Variants in DPP6 observed in about 807,000 individuals in gnomAD.
DPP6 encodes the protein A-type potassium channel modulatory protein DPP6.
DPP6 carries 69 observed loss-of-function variants against 122.6 expected under a neutral mutation model. The ratio of observed to expected loss-of-function variants is 0.56; its 90% CI spans 0.46 to 0.69. The LOEUF (loss-of-function observed/expected upper bound fraction) is 0.69. DPP6 is among the 30% of genes least tolerant of loss of function. The pLI is 0.00. For synonymous variants in DPP6, 418 were observed against 433.1 expected, an observed-to-expected ratio of 0.97 and a Z score of 0.43; for missense variants, 928 against 1,116.9, an observed-to-expected ratio of 0.83 and a Z score of 2.41.
intron 6 of DPP6, 27 bp from the exon 7 acceptor site, chr7:154,669,333 G>GT (rs1234224085): frequency 6.4e-7 from 1 of 1,551,698 alleles, no homozygotes; most frequent in Non-Finnish European, 8.7e-7. Flanking sequence ...ATTTTGCTTT[G>GT]TTTTTGTTTG....
intron 1 of DPP6, among the ~76,000 whole-genome samples, chr7:154,284,296 G>A (rs999895994): frequency 3.9e-5 from 6 of 152,176 alleles, no homozygotes; most frequent in African/African-American, 1.4e-4. Flanking sequence ...AAGCAGATGA[G>A]TCATGCAAAT....
the DPP6 span, among the ~76,000 whole-genome samples, chr7:153,800,292 G>T: frequency 6.6e-6 from 1 of 152,108 alleles, no homozygotes; most frequent in Non-Finnish European, 1.5e-5. Flanking sequence ...GGAACTATAG[G>T]TTGTCATGTT....
At chr7:154,063,115 A>C (rs1301969912) in intron 1 of DPP6, among the ~76,000 whole-genome samples, 1 of 104,144 alleles carries the variant, frequency 9.6e-6, no homozygotes, top group Admixed American at 9.7e-5. Context: ...CCCCCATCGC[A>C]GGGGGGGAGG....
At chr7:154,635,172 A>T (rs1014945910) in intron 5 of DPP6, among the ~76,000 whole-genome samples, 1 of 152,196 alleles carries the variant, frequency 6.6e-6, no homozygotes, top group Non-Finnish European at 1.5e-5. Flanking sequence ...TACCTGTACA[A>T]ATAGGACAAT....
chr7:154,242,129 A>G (rs1227407783), intron 1 of DPP6, among the ~76,000 whole-genome samples: 1 of 152,160 alleles, frequency 6.6e-6, no homozygotes, highest in Non-Finnish European at 1.5e-5. Context: ...CAACAAAGGG[A>G]CCTGTCATTT....
chr7:153,916,077 C>T (rs1233027357), intron 1 of DPP6, among the ~76,000 whole-genome samples: 2 of 151,132 alleles, frequency 1.3e-5, no homozygotes, highest in Non-Finnish European at 3.0e-5. Flanking sequence ...CGCCATTCTC[C>T]TGCCTCAGCC....
At chr7:154,513,691 G>A (rs1826262066) in intron 3 of DPP6, among the ~76,000 whole-genome samples, 1 of 152,072 alleles carries the variant, frequency 6.6e-6, no homozygotes, top group Non-Finnish European at 1.5e-5. Context: ...TCCACCACAA[G>A]CTCCCAGTGG....
At chr7:154,336,083 C>T (rs1474808112) in intron 1 of DPP6, among the ~76,000 whole-genome samples, 2 of 151,886 alleles carry the variant, frequency 1.3e-5, no homozygotes, top group Non-Finnish European at 1.5e-5. Context: ...TGTAGAAATC[C>T]ATATTAGAAC....
intron 5 of DPP6, among the ~76,000 whole-genome samples, chr7:154,572,671 C>G (rs1369854207): frequency 6.9e-6 from 1 of 145,538 alleles, no homozygotes; most frequent in Non-Finnish European, 1.5e-5. Flanking sequence ...CACCCGCCAC[C>G]ACACATGGCT....
At chr7:154,442,759 CCTT>C (rs907065724) in intron 1 of DPP6, among the ~76,000 whole-genome samples, 1 of 152,190 alleles carries the variant, frequency 6.6e-6, no homozygotes, top group East Asian at 1.9e-4. Context: ...GTCTGTATGA[CCTT>C]CTCAGAATAA....
chr7:154,719,697 G>A (rs926696574), intron 7 of DPP6, among the ~76,000 whole-genome samples: 5 of 152,296 alleles, frequency 3.3e-5, no homozygotes, highest in South Asian at 2.1e-4. Context: ...CCAGGCACCC[G>A]GCATGCAGTT....
intron 1 of DPP6, among the ~76,000 whole-genome samples, chr7:154,061,970 G>C (rs576239336): frequency 7.8e-6 from 1 of 127,722 alleles, no homozygotes; most frequent in East Asian, 2.3e-4. Flanking sequence ...TGGGGACTGA[G>C]AGCTATCCCC....
chr7:154,305,630 CAG>C lies in DPP6; in HGVS notation c.244-140580_244-140579del, dbSNP rs1032031393. On this transcript the variant is annotated intron_variant, in intron 1 of 25. Transcript: ENST00000377770. ...TGCATATGTGTGTGCATGAGAGAGA[CAG>C]AGACAGAGAGGGAGGATATGTATTT... 6.6e-6 allele frequency: 10 copies of C among 1,513,220 alleles called. No homozygotes were observed. The African/African-American group carries it at 6.9e-5, about 10-fold the overall frequency. The allele number at this position is 1,513,220 out of a possible 1,614,324, so 93.7% of individuals were successfully genotyped here.
chr7:154,779,030 A>ATCACCT (rs1796808395), intron 10 of DPP6, among the ~76,000 whole-genome samples: 1 of 138,072 alleles, frequency 7.2e-6, no homozygotes, highest in East Asian at 2.1e-4. Context: ...CATCACCTCC[A>ATCACCT]CCACCACCAC....
At chr7:154,630,367 T>G (rs1835331613) in intron 5 of DPP6, among the ~76,000 whole-genome samples, 1 of 152,176 alleles carries the variant, frequency 6.6e-6, no homozygotes, top group African/African-American at 2.4e-5. Flanking sequence ...TGGTGTAAAT[T>G]TAAGGGGCAT....
chr7:154,059,642 A>G (rs1801384517), intron 1 of DPP6: 1 of 149,568 alleles, frequency 6.7e-6, no homozygotes. Flanking sequence ...GGAACTTTTG[A>G]AATGGGGATC....
chr7:154,236,904 C>T (rs1801251868), intron 1 of DPP6, among the ~76,000 whole-genome samples: 2 of 152,112 alleles, frequency 1.3e-5, no homozygotes, highest in Admixed American at 1.3e-4. Context: ...TTCCCCGGTG[C>T]TCCCCAGCCT....
chr7:154,419,237 C>A (rs75006061), intron 1 of DPP6, among the ~76,000 whole-genome samples: 2,304 of 152,272 alleles, frequency 0.015, 26 homozygotes, highest in Non-Finnish European at 0.022. Context: ...TGGAAGGTTA[C>A]CTTCTTAAAA....
intron 7 of DPP6, among the ~76,000 whole-genome samples, chr7:154,683,167 A>G (rs945996695): frequency 1.3e-5 from 2 of 151,938 alleles, no homozygotes; most frequent in African/African-American, 4.8e-5. Flanking sequence ...ATATGTTTTA[A>G]TTTCCTCCAT....
Sources: allele counts gnomAD v4.1 joint callset (sites outside exome capture counted in the v4.1 genomes callset), GRCh38; gene constraint gnomAD v4.1.1; transcripts MANE v1.5; gene names NCBI Gene and HGNC (gene_info 2026-07-23, HGNC 2026-07-21).